The following FCHSD2 variants were observed in gnomAD, a reference collection of about 807,000 sequenced individuals.
The protein encoded by FCHSD2 is F-BAR and double SH3 domains protein 2.
In FCHSD2, 38 loss-of-function variants were observed where a neutral mutation model predicts 108.1. The ratio of observed to expected loss-of-function variants is 0.35; its 90% CI spans 0.27 to 0.46. The LOEUF (loss-of-function observed/expected upper bound fraction) is 0.46, where lower values mean the gene tolerates loss of function less well. FCHSD2 is among the 20% of genes least tolerant of loss of function. The pLI is 1.00. For synonymous variants in FCHSD2, 279 were observed against 314.7 expected, an observed-to-expected ratio of 0.89 and a Z score of 1.20; for missense variants, 751 against 897.8, an observed-to-expected ratio of 0.84 and a Z score of 2.09.
At chr11:72,851,621 T>C (rs962513312) in intron 13 of FCHSD2, among the ~76,000 whole-genome samples, 2 of 152,098 alleles carry the variant, frequency 1.3e-5, no homozygotes, top group African/African-American at 4.8e-5. Context: ...CATGCGCCTG[T>C]AGTCCCAGCT....
In FCHSD2 at chr11:72,843,266, C is replaced by A. The variant is rs535579271; in HGVS notation, c.1590G>T (p.Ser530=). ...ACTGCAGCATGCTCAGGAGGCTGTT[C>A]GAGGTGGGAAACTGTAGGTACTTTT... The part of the protein sequence containing the change: ...VPEKYLQFPT[S]NSLLSMLQSL... The change falls in exon 16 of 20, where the codon TCG becomes TCT. Residue 530 remains serine (S), a synonymous_variant. Coordinates refer to ENST00000409418, the MANE Select transcript of FCHSD2 (RefSeq NM_014824.3). 1.2e-6 allele frequency: 2 copies of A among 1,613,918 alleles called. No homozygotes were observed. The highest frequency in any genetic ancestry group is 1.7e-5 in the Admixed American group (1 of 60,016).
At chr11:72,990,069 G>A (rs190438558) in intron 5 of FCHSD2, among the ~76,000 whole-genome samples, 38 of 152,254 alleles carry the variant, frequency 2.5e-4, no homozygotes, top group African/African-American at 7.5e-4. Context: ...GACTACAGGG[G>A]ATGAGACATC....
At chr11:73,084,131 A>G (rs922475535) in intron 2 of FCHSD2, among the ~76,000 whole-genome samples, 2 of 152,260 alleles carry the variant, frequency 1.3e-5, no homozygotes, top group Non-Finnish European at 1.5e-5. Context: ...GGCTACTGTT[A>G]TAAGAATAGC....
At chr11:73,103,515 A>G (rs1237792343) in intron 2 of FCHSD2, among the ~76,000 whole-genome samples, 3 of 152,182 alleles carry the variant, frequency 2.0e-5, no homozygotes, top group Non-Finnish European at 2.9e-5. Context: ...CCCAAAGCAC[A>G]TATCTGTCTT....
At chr11:73,100,335 T>C (rs1043232064) in intron 2 of FCHSD2, among the ~76,000 whole-genome samples, 8 of 12,282 alleles carry the variant, frequency 6.5e-4, no homozygotes, top group African/African-American at 5.9e-3. Flanking sequence ...TTACATGCTT[T>C]TGTTGTTGTT....
rs377062818 is a variant in FCHSD2 at position 73,086,740 on chromosome 11, C to T, written c.120-3000G>A. Among the ~76,000 whole-genome samples, 428 of 152,184 alleles carry T rather than the reference C, an allele frequency of 2.8e-3. 1 individual carries two copies. The highest frequency in any genetic ancestry group is 9.8e-3 in the African/African-American group (407 of 41,528). ...CTACTGTTCTATAGAAGTAAAAAGA[C>T]TGTACAGAGTATTATAAGCAACTGT... On this transcript the variant is annotated intron_variant, in intron 2 of 19. Coordinates refer to ENST00000409418, the MANE Select transcript of FCHSD2 (RefSeq NM_014824.3).
chr11:72,879,209 G>T (rs535475838), intron 12 of FCHSD2, among the ~76,000 whole-genome samples: 1 of 152,230 alleles, frequency 6.6e-6, no homozygotes, highest in East Asian at 1.9e-4. Context: ...TTAGTATAGG[G>T]CTAATTTCTA....
rs565799572 is a variant in FCHSD2 at position 72,988,843 on chromosome 11, G to C, written c.521+121C>G. The C allele has an allele frequency of 4.2e-6, 3 of 722,098 alleles. No homozygotes were observed. In the South Asian group the frequency reaches 7.9e-5, roughly 19 times the overall value. 44.7% of individuals were successfully genotyped at this position (722,098 alleles called of 1,614,324 possible). On this transcript the variant is annotated intron_variant, in intron 6 of 19. Transcript: ENST00000409418. ...GACCTAAAGTATATAACACATGTAG[G>C]TCAAATGAAACCACCACTACCTGAG...
intron 3 of FCHSD2, among the ~76,000 whole-genome samples, chr11:73,048,005 T>C (rs1858807996): frequency 1.3e-5 from 2 of 152,206 alleles, no homozygotes; most frequent in Admixed American, 1.3e-4. Context: ...ATGGTCTTAT[T>C]CTATATTGTT....
intron 3 of FCHSD2, among the ~76,000 whole-genome samples, chr11:73,061,009 A>C (rs974332035): frequency 6.6e-6 from 1 of 152,242 alleles, no homozygotes; most frequent in Non-Finnish European, 1.5e-5. Context: ...AAAACAGGCA[A>C]GGATTGCTGG....
At chr11:72,935,000 C>T (rs950193536) in intron 8 of FCHSD2, among the ~76,000 whole-genome samples, 2 of 152,148 alleles carry the variant, frequency 1.3e-5, no homozygotes, top group African/African-American at 4.8e-5. Flanking sequence ...CTCCCTTACA[C>T]ATTACCTCTG....
intron 12 of FCHSD2, among the ~76,000 whole-genome samples, chr11:72,874,993 T>C (rs1854937238): frequency 6.6e-6 from 1 of 152,238 alleles, no homozygotes; most frequent in African/African-American, 2.4e-5. Context: ...TTAGGATACA[T>C]AATCTTGGTT....
chr11:73,086,702 G>T (rs1268804590), intron 2 of FCHSD2, among the ~76,000 whole-genome samples: 1 of 152,170 alleles, frequency 6.6e-6, no homozygotes, highest in Admixed American at 6.5e-5. Context: ...AGAAATGAAA[G>T]TGGTGAACAC....
rs1855278509 is a variant in FCHSD2, at chr11:72,889,885, G to A, written c.985C>T (p.Arg329Ter). 4 of 1,613,408 alleles carry A rather than the reference G, an allele frequency of 2.5e-6. No individual in the cohort carries two copies. Among genetic ancestry groups the A allele is most frequent in the South Asian group, 1.1e-5 (1 of 91,030 alleles). Residue 329 changes from arginine (R) to a stop codon, truncating the protein, a stop_gained, in exon 11 of 20, where the codon CGA (arginine) becomes TGA (stop). Transcript: ENST00000409418. LOFTEE classifies it high-confidence loss of function. ...CGTGCCACACGTGTGGCCCATTTTC[G>A]AGCTTCCTTATTTAGACTGTGCTCC... is the stretch of plus-strand genomic sequence containing the variant. ...TEEHSLNKEA[R>*]KWATRVAREH...
chr11:72,898,047 G>A (rs1043070245), intron 10 of FCHSD2, among the ~76,000 whole-genome samples: 1 of 152,108 alleles, frequency 6.6e-6, no homozygotes, highest in African/African-American at 2.4e-5. Flanking sequence ...CAGCTATTAA[G>A]TTACTACATA....
At chr11:73,074,389 T>C in intron 3 of FCHSD2, among the ~76,000 whole-genome samples, 1 of 152,204 alleles carries the variant, frequency 6.6e-6, no homozygotes, top group East Asian at 1.9e-4. Flanking sequence ...GCATAAAATA[T>C]GCTTCAACTG....
At chr11:72,949,566 A>C (rs552129654) in intron 8 of FCHSD2, among the ~76,000 whole-genome samples, 1 of 152,346 alleles carries the variant, frequency 6.6e-6, no homozygotes, top group East Asian at 1.9e-4. Flanking sequence ...GGCAACCACT[A>C]ATCTACTTTC....
At position 72,840,119 on chromosome 11, in the gene FCHSD2, C is replaced by A. The variant is rs143553457; in HGVS notation, c.2139+758G>T. ...CTAATCGCTCCCTATATCCTTTCTG[C>A]CACCCTCCATCCATCCGCCTCTTAG... On this transcript the variant is annotated intron_variant, in intron 19 of 19. Coordinates refer to ENST00000409418, the MANE Select transcript of FCHSD2 (RefSeq NM_014824.3). Among the ~76,000 whole-genome samples the A allele has an allele frequency of 3.7e-3, 563 of 152,298 alleles. 2 individuals carry two copies. The highest frequency in any genetic ancestry group is 5.5e-3 in the Non-Finnish European group (371 of 68,022).
At chr11:72,861,382 A>G (rs1448607529) in intron 13 of FCHSD2, among the ~76,000 whole-genome samples, 1 of 91,848 alleles carries the variant, frequency 1.1e-5, no homozygotes, top group Non-Finnish European at 2.2e-5. Flanking sequence ...GGAGTCTATT[A>G]TTTAAAAACT....
Sources: allele counts gnomAD v4.1 joint callset (sites outside exome capture counted in the v4.1 genomes callset), GRCh38; gene constraint gnomAD v4.1.1; transcripts MANE v1.5; gene names NCBI Gene and HGNC (gene_info 2026-07-23, HGNC 2026-07-21).